Variants in NGB observed in about 807,000 individuals in gnomAD.
NGB encodes nitrite reductase.
NGB carries 12 observed loss-of-function variants against 17.3 expected under a neutral mutation model. The ratio of observed to expected loss-of-function variants is 0.69; its 90% CI spans 0.45 to 1.13. The LOEUF (loss-of-function observed/expected upper bound fraction) is 1.13, where lower values mean the gene tolerates loss of function less well. Among genes scored for constraint, NGB ranks in the 50% most tolerant of loss-of-function variants. The pLI is 0.00. For missense variants in NGB, 195 were observed against 191.7 expected (o/e 1.02, Z -0.10); for synonymous variants, 87 against 81.0 (o/e 1.07, Z -0.40).
chr14:77,268,786 C>T (rs1889709853), intron 2 of NGB, among the ~76,000 whole-genome samples: 2 of 152,218 alleles, frequency 1.3e-5, no homozygotes, highest in African/African-American at 4.8e-5. Context: ...TAATGTTATA[C>T]CCATGAAGGA....
At chr14:77,270,792 C>G (rs1300808130) in intron 1 of NGB, 57 bp downstream of exon 1, 2 of 1,416,290 alleles carry the variant, frequency 1.4e-6, no homozygotes, top group East Asian at 5.0e-5. Flanking sequence ...GCCGCGTGAC[C>G]CCTTTCCCGC....
At chr14:77,269,369 C>G (rs1028984705) in intron 1 of NGB, 43 bp from the exon 2 acceptor site, 1 of 1,351,140 alleles carries the variant, frequency 7.4e-7, no homozygotes, top group African/African-American at 1.4e-5. Context: ...GGTGTGAGCT[C>G]CTGCAAGCCC....
chr14:77,266,897 CCT>C (rs1176980555), intron 3 of NGB, among the ~76,000 whole-genome samples: 5 of 152,234 alleles, frequency 3.3e-5, no homozygotes, highest in Non-Finnish European at 2.9e-5. Flanking sequence ...ATTTTTCACC[CCT>C]GTCTTGGTCT....
intron 3 of NGB, among the ~76,000 whole-genome samples, chr14:77,267,934 G>A (rs917307849): frequency 6.6e-6 from 1 of 152,140 alleles, no homozygotes; most frequent in Admixed American, 6.5e-5. Flanking sequence ...TTCACACTGG[G>A]GCTTGTCCTC....
chr14:77,269,811 C>CG (rs1889740938), intron 1 of NGB, among the ~76,000 whole-genome samples: 1 of 77,940 alleles, frequency 1.3e-5, no homozygotes, highest in African/African-American at 5.9e-5. Flanking sequence ...CCCCCCCCCC[C>CG]CCCCCCCCCC....
chr14:77,270,146 C>T (rs1594877198), intron 1 of NGB, among the ~76,000 whole-genome samples: 1 of 151,950 alleles, frequency 6.6e-6, no homozygotes, highest in African/African-American at 2.4e-5. Context: ...TCCAAGGGTG[C>T]CAAGGATAGG....
rs778259755 is a variant in NGB at position 77,268,534 on chromosome 14, G to A, written c.253C>T (p.Leu85=). The A allele has an allele frequency of 1.9e-6, 3 of 1,613,658 alleles. No individual in the cohort carries two copies. Among genetic ancestry groups the A allele is most frequent in the African/African-American group, 1.3e-5 (1 of 74,840 alleles). Residue 85 remains leucine, a synonymous_variant, in exon 3 of 4, where the codon CTG becomes TTG. Coordinates refer to ENST00000298352, the MANE Select transcript of NGB (RefSeq NM_021257.4). ...AVTNVEDLSS[L]EEYLASLGRK... Reference sequence around the variant, plus strand: ...CCCAGGCTGGCAAGGTACTCCTCCAGTGAGGACAGGTCTTCCACATTGGTC... The same window carrying A: ...CCCAGGCTGGCAAGGTACTCCTCCAATGAGGACAGGTCTTCCACATTGGTC...
chr14:77,268,624 A>G, intron 2 of NGB, 39 bp from the exon 3 acceptor site: 1 of 1,612,210 alleles, frequency 6.2e-7, no homozygotes, highest in Non-Finnish European at 8.5e-7. Context: ...GAGAGGCCAG[A>G]GCAGCCCCAT....
At chr14:77,269,347 T>C (rs1321093863) in intron 1 of NGB, 21 bp from the exon 2 acceptor site, 1 of 1,492,144 alleles carries the variant, frequency 6.7e-7, no homozygotes, top group Non-Finnish European at 9.1e-7. Flanking sequence ...GAGGCCCAGG[T>C]GTTAGCCCTG....
At position 77,266,588 on chromosome 14, in the gene NGB, T is replaced by C. The variant is rs767684404; in HGVS notation, c.404A>G (p.Gln135Arg). 3.7e-6 allele frequency: 6 copies of C among 1,614,188 alleles called. No homozygotes were observed. The highest frequency in any genetic ancestry group is 5.1e-6 in the Non-Finnish European group (6 of 1,180,042). Residue 135 changes from glutamine (Q) to arginine (R), a missense_variant, in exon 4 of 4, where the codon CAA becomes CGA. Physicochemically the swap from Gln to Arg is conservative, Grantham distance 43. Coordinates refer to ENST00000298352, the MANE Select transcript of NGB (RefSeq NM_021257.4). ...GGCCTGCACTACGGCCCCGTAGAGT[T>C]GGCTCCAGGCAGCCCGTGTGGCTGG... The part of the protein sequence containing the change: ...FTPATRAAWS[Q>R]LYGAVVQAMS...
chr14:77,266,418 C>T lies in NGB; in HGVS notation c.*118G>A. ...ACCCAGCCCTGCCCCATCACCTCTC[C>T]AGTGTGGCCAAGGGGACAAGGACCA... On this transcript the variant is annotated 3_prime_UTR_variant, in exon 4 of 4. Coordinates refer to ENST00000298352, the MANE Select transcript of NGB (RefSeq NM_021257.4). 1 of 1,377,536 alleles carries T rather than the reference C, an allele frequency of 7.3e-7. No individual in the cohort carries two copies. The highest frequency in any genetic ancestry group is 1.0e-6 in the Non-Finnish European group (1 of 976,396). 85.3% of individuals were successfully genotyped at this position (1,377,536 alleles called of 1,614,324 possible). A position where few individuals can be genotyped will look rare whatever the true frequency, so the allele number is the denominator to read the frequency against.
At position 77,270,844 on chromosome 14, in the gene NGB, C is replaced by G; in HGVS notation, c.89+5G>C. 2.5e-6 allele frequency: 4 copies of G among 1,577,122 alleles called. No individual in the cohort carries two copies. The highest frequency in any genetic ancestry group is 3.4e-6 in the Non-Finnish European group (4 of 1,167,494). ...CGCATCCCCGGGCGCTCGTGTAGCC[C>G]TCACCTGGCAAACAGGACGGTGCCG... On this transcript the variant is annotated splice_donor_5th_base_variant and intron_variant, in intron 1 of 3. Transcript: ENST00000298352.
In NGB at chr14:77,266,514, G is replaced by A; in HGVS notation, c.*22C>T. Reference sequence around the variant, plus strand: ...CAACAGACAGACACAGATGGATGGGGGCTGCCGGGCGGGGTCGCCTCTTAC... The same window carrying A: ...CAACAGACAGACACAGATGGATGGGAGCTGCCGGGCGGGGTCGCCTCTTAC... On this transcript the variant is annotated 3_prime_UTR_variant, in exon 4 of 4. Coordinates refer to ENST00000298352, the MANE Select transcript of NGB (RefSeq NM_021257.4). 3 of 1,604,818 alleles carry A rather than the reference G, an allele frequency of 1.9e-6. No individual in the cohort carries two copies. Among genetic ancestry groups the A allele is most frequent in the South Asian group, 1.1e-5 (1 of 89,428 alleles).
intron 3 of NGB, among the ~76,000 whole-genome samples, chr14:77,266,991 G>A (rs771591772): frequency 2.6e-5 from 4 of 152,208 alleles, no homozygotes; most frequent in Non-Finnish European, 5.9e-5. Context: ...TCCCAGACTT[G>A]AGTTTCCTCA....
chr14:77,268,734 T>C (rs1195041932), intron 2 of NGB, 149 bp from the exon 3 acceptor site: 2 of 1,071,540 alleles, frequency 1.9e-6, no homozygotes, highest in African/African-American at 1.6e-5. Context: ...AGCCTGTGTC[T>C]ACTACATGTA....
intron 1 of NGB, 64 bp from the exon 2 acceptor site, chr14:77,269,390 G>A: frequency 8.5e-7 from 1 of 1,171,064 alleles, no homozygotes; most frequent in Non-Finnish European, 1.2e-6. Context: ...CAGCAAGCCT[G>A]GCTGTCCTGC....
rs1041340502 is a variant in NGB at position 77,265,760 on chromosome 14, G to A, written c.*776C>T. 3.8e-5 allele frequency: 6 copies of A among 157,032 alleles called. No individual in the cohort carries two copies. The highest frequency in any genetic ancestry group is 7.1e-5 in the Non-Finnish European group (5 of 70,466). 9.7% of individuals were successfully genotyped at this position (157,032 alleles called of 1,614,324 possible). ...TGGTGATGAAGGGCTGGGGGAACTC[G>A]GGTCTCTCTGGGATGAAGTCACCCC... On this transcript the variant is annotated 3_prime_UTR_variant, in exon 4 of 4. Transcript: ENST00000298352. This position sits in a 1 kb window ranked among gnomAD's most constrained non-coding sequence, Gnocchi z 4.7.
intron 3 of NGB, 122 bp downstream of exon 3, chr14:77,268,344 C>G (rs927424903): frequency 4.6e-6 from 5 of 1,076,690 alleles, no homozygotes; most frequent in Non-Finnish European, 6.6e-6. Flanking sequence ...GATGCAGGCC[C>G]GCAGCCCTGG....
At position 77,271,202 on chromosome 14, in the gene NGB, G is replaced by A. The variant is rs138171652; in HGVS notation, c.-265C>T. On this transcript the variant is annotated 5_prime_UTR_variant, in exon 1 of 4. Coordinates refer to ENST00000298352, the MANE Select transcript of NGB (RefSeq NM_021257.4). ...CCTGCGCCCCGCAGCCGCCAGAGCC[G>A]CCCCACCCCGCGACGCCTGGGCTGG... 2,875 of 383,048 alleles carry A rather than the reference G, an allele frequency of 7.5e-3. 110 individuals are homozygous for A. In the East Asian group the frequency reaches 0.095, roughly 13 times the overall value. 23.7% of individuals were successfully genotyped at this position (383,048 alleles called of 1,614,324 possible).
Sources: allele counts gnomAD v4.1 joint callset (sites outside exome capture counted in the v4.1 genomes callset), GRCh38; gene constraint gnomAD v4.1.1; non-coding constraint Gnocchi (gnomAD v3.1); transcripts MANE v1.5; gene names NCBI Gene and HGNC (gene_info 2026-07-23, HGNC 2026-07-21).